CCSER1: variants seen among roughly 807,000 people sequenced by gnomAD.
CCSER1 encodes the protein coiled-coil serine rich protein 1.
A neutral mutation model predicts 82.0 loss-of-function variants in CCSER1; 41 were observed. The ratio of observed to expected loss-of-function variants is 0.50; its 90% CI spans 0.39 to 0.65. The LOEUF is 0.65. Among genes scored for constraint, CCSER1 ranks in the 30% least tolerant of loss-of-function variants. The pLI, the probability that CCSER1 is intolerant of heterozygous loss-of-function variation, is 0.00. For missense variants in CCSER1, 1,119 were observed against 1,064.2 expected (o/e 1.05, Z -0.72); for synonymous variants, 414 against 383.9 (o/e 1.08, Z -0.92).
chr4:90,607,164 C>T (rs1784834523), intron 5 of CCSER1, among the ~76,000 whole-genome samples: 1 of 152,012 alleles, frequency 6.6e-6, no homozygotes, highest in Non-Finnish European at 1.5e-5. Flanking sequence ...TAACCAAAAG[C>T]GTCAGAATAT....
intron 10 of CCSER1, among the ~76,000 whole-genome samples, chr4:91,446,305 AT>A (rs1237155752): frequency 6.6e-6 from 1 of 152,136 alleles, no homozygotes. Context: ...GAAAACAATT[AT>A]TTATTCATAA....
At chr4:91,261,046 G>A (rs1167878818) in intron 10 of CCSER1, among the ~76,000 whole-genome samples, 1 of 151,966 alleles carries the variant, frequency 6.6e-6, no homozygotes, top group Non-Finnish European at 1.5e-5. Context: ...TACAGGCGTG[G>A]GCCACCACGC....
intron 8 of CCSER1, among the ~76,000 whole-genome samples, chr4:90,845,965 A>AT (rs57833291): frequency 2.6e-4 from 40 of 151,912 alleles, no homozygotes; most frequent in East Asian, 9.7e-4. Context: ...CTATTTATAG[A>AT]TTTTTTTTAT....
rs1056602873 is a variant in CCSER1 at position 90,425,267 on chromosome 4, C to T, written c.1603+25138C>T. 4.6e-5 allele frequency among the ~76,000 whole-genome samples: 7 copies of T among 152,166 alleles called. No homozygotes were observed. The South Asian group carries it at 1.5e-3, about 32-fold the overall frequency. On this transcript the variant is annotated intron_variant, in intron 4 of 10. Transcript: ENST00000509176. ...ATTTTGGAGTGATAGGGAGGAATCA[C>T]CTGGTGCAGGTAAGAGCACAGCAGT...
intron 5 of CCSER1, among the ~76,000 whole-genome samples, chr4:90,509,913 A>G (rs1240883360): frequency 2.0e-5 from 3 of 152,328 alleles, no homozygotes; most frequent in East Asian, 3.9e-4. Context: ...TATCTAACCA[A>G]TTGTTTTGCT....
rs1177930183 is a variant in CCSER1, at chr4:90,965,730, T to C, written c.2172+42283T>C. ...TGATTTTTAGAGTTTCTACATTATA[T>C]GAAAATGTCCAATTGCCAAAAAATG... On this transcript the variant is annotated intron_variant, in intron 9 of 10. Coordinates refer to ENST00000509176, the MANE Select transcript of CCSER1 (RefSeq NM_001145065.2). 6.6e-5 allele frequency among the ~76,000 whole-genome samples: 10 copies of C among 151,732 alleles called. 1 individual carries two copies.
At chr4:90,911,750 C>T (rs969791531) in intron 8 of CCSER1, among the ~76,000 whole-genome samples, 8 of 152,124 alleles carry the variant, frequency 5.3e-5, no homozygotes, top group East Asian at 1.9e-4. Context: ...GGGTGACAGA[C>T]GGCACCTGGA....
At chr4:90,221,197 A>C (rs550511698) in intron 1 of CCSER1, among the ~76,000 whole-genome samples, 7 of 152,162 alleles carry the variant, frequency 4.6e-5, no homozygotes, top group Non-Finnish European at 8.8e-5. Context: ...TTTCCGTGGA[A>C]ATATGCTTAA....
At chr4:90,628,580 A>G (rs1210262609) in intron 6 of CCSER1, among the ~76,000 whole-genome samples, 3 of 152,232 alleles carry the variant, frequency 2.0e-5, no homozygotes, top group Admixed American at 2.0e-4. Context: ...TGTATTTCAC[A>G]TCAATGATAC....
rs188418149 is a variant in CCSER1 at position 91,039,848 on chromosome 4, G to A, written c.2173-46102G>A. ...GTATCTATAAGGACAGTTATTAAAG[G>A]TGGAACTACTATGCTGAAGAGTATG... On this transcript the variant is annotated intron_variant, in intron 9 of 10. Transcript: ENST00000509176. Among the ~76,000 whole-genome samples, 9 of 152,172 alleles carry A rather than the reference G, an allele frequency of 5.9e-5. No homozygotes were observed. In the East Asian group the frequency reaches 1.5e-3, roughly 26 times the overall value.
At chr4:90,469,524 A>AAAACACACACAC (rs1355308348) in intron 5 of CCSER1, among the ~76,000 whole-genome samples, 3 of 136,340 alleles carry the variant, frequency 2.2e-5, no homozygotes, top group Non-Finnish European at 4.8e-5. Context: ...TTTCCTGCAA[A>AAAACACACACAC]ACACACACAC....
chr4:90,922,776 C>G (rs890122187), intron 8 of CCSER1, among the ~76,000 whole-genome samples: 9 of 152,092 alleles, frequency 5.9e-5, no homozygotes, highest in Admixed American at 1.3e-4. Flanking sequence ...GAAAAAAGCA[C>G]AGTCAGATTA....
intron 10 of CCSER1, among the ~76,000 whole-genome samples, chr4:91,576,470 T>G (rs1763457023): frequency 6.6e-6 from 1 of 152,028 alleles, no homozygotes. Context: ...TCTGGAGACC[T>G]AATGCATACC....
intron 10 of CCSER1, among the ~76,000 whole-genome samples, chr4:91,523,568 T>C (rs1467860654): frequency 6.6e-6 from 1 of 152,174 alleles, no homozygotes; most frequent in Non-Finnish European, 1.5e-5. Context: ...TATTGGTCTA[T>C]TCAAGGATGC....
chr4:90,595,710 A>G (rs556281500), intron 5 of CCSER1, among the ~76,000 whole-genome samples: 2 of 151,984 alleles, frequency 1.3e-5, no homozygotes, highest in South Asian at 2.1e-4. Context: ...TTTAGTATCA[A>G]TAACGCCCTT....
At chr4:91,016,948 C>G (rs991347137) in intron 9 of CCSER1, among the ~76,000 whole-genome samples, 3 of 151,760 alleles carry the variant, frequency 2.0e-5, no homozygotes, top group Non-Finnish European at 2.9e-5. Flanking sequence ...AAGAAAATGA[C>G]AAGGAAAAAT....
At chr4:91,297,891 T>G (rs1744340575) in intron 10 of CCSER1, among the ~76,000 whole-genome samples, 1 of 152,036 alleles carries the variant, frequency 6.6e-6, no homozygotes, top group Admixed American at 6.6e-5. Flanking sequence ...ACAATGATGT[T>G]AAATCTAGAG....
intron 10 of CCSER1, among the ~76,000 whole-genome samples, chr4:91,356,786 A>G (rs1476675864): frequency 6.6e-6 from 1 of 152,162 alleles, no homozygotes; most frequent in East Asian, 1.9e-4. Flanking sequence ...CAAGAAGTGA[A>G]CTTAGTGTTG....
intron 7 of CCSER1, among the ~76,000 whole-genome samples, chr4:90,806,424 G>C (rs1331487144): frequency 6.6e-6 from 1 of 152,072 alleles, no homozygotes; most frequent in African/African-American, 2.4e-5. Flanking sequence ...ACAATATAGG[G>C]AAATGTTCCA....
Sources: allele counts gnomAD v4.1 joint callset (sites outside exome capture counted in the v4.1 genomes callset), GRCh38; gene constraint gnomAD v4.1.1; transcripts MANE v1.5; gene names NCBI Gene and HGNC (gene_info 2026-07-23, HGNC 2026-07-21).